Variants in CACNA1C observed in about 807,000 individuals in gnomAD.
CACNA1C encodes voltage-dependent L-type calcium channel subunit alpha-1C.
CACNA1C carries 30 observed loss-of-function variants against 229.0 expected under a neutral mutation model. The observed-to-expected ratio is 0.13, with a 90% CI of 0.10 to 0.18. CACNA1C has a LOEUF of 0.18. Ranked by LOEUF, CACNA1C falls within the 10% of genes least tolerant of loss-of-function variation. The probability of loss-of-function intolerance (pLI) is 1.00; values close to 1 mark genes in which losing one functional copy is unlikely to be tolerated. For synonymous variants in CACNA1C, 1,114 were observed against 1,132.5 expected (o/e 0.98, Z 0.33); for missense variants, 1,658 against 2,845.0 (o/e 0.58, Z 9.49).
chr12:2,628,108 G>C (rs556131951), intron 29 of CACNA1C, among the ~76,000 whole-genome samples: 18 of 152,322 alleles, frequency 1.2e-4, no homozygotes, highest in Admixed American at 7.8e-4. Context: ...CGTCGTGGAC[G>C]CCTTCTTGCC....
intron 3 of CACNA1C, among the ~76,000 whole-genome samples, chr12:2,384,450 G>A (rs529908727): frequency 5.9e-5 from 9 of 152,294 alleles, no homozygotes; most frequent in African/African-American, 1.9e-4. Context: ...TAGCAAGAAT[G>A]AGCACAATTA....
At position 2,107,527 on chromosome 12, in the gene CACNA1C, A is replaced by AG. The variant is rs1406244863; in HGVS notation, c.50-7694dup. ...AAGCCACTGGGTGCTCACCCTGGAG[A>AG]GGGTTTCCACCTCAGCTGGGGTGTC... On this transcript the variant is annotated intron_variant, in intron 1 of 46. Transcript: ENST00000399655. Among the ~76,000 whole-genome samples, 21 of 152,030 alleles carry AG rather than the reference A, an allele frequency of 1.4e-4. No individual in the cohort carries two copies. The South Asian group carries it at 3.5e-3, about 26-fold the overall frequency.
intron 3 of CACNA1C, among the ~76,000 whole-genome samples, chr12:2,249,678 C>T (rs7975229): frequency 0.031 from 4,786 of 152,224 alleles, 108 homozygotes; most frequent in South Asian, 0.058. Context: ...AGGGGACTCA[C>T]GTGACCTGTC....
Position 2,632,323 on chromosome 12 carries a change from G to T in CACNA1C, c.3829-1974G>T, listed in dbSNP as rs2090835854. ...GGGGACTATGACCGCCTGTAGCTGGGGGTGTATGGGGAATATGATCGCCTG... is the reference window on the plus strand; with the variant it reads ...GGGGACTATGACCGCCTGTAGCTGGTGGTGTATGGGGAATATGATCGCCTG... On this transcript the variant is annotated intron_variant, in intron 29 of 46. Transcript: ENST00000399655. This position sits in a 1 kb window ranked among gnomAD's most constrained non-coding sequence, Gnocchi z 4.1. Among the ~76,000 whole-genome samples, 2 of 151,774 alleles carry T rather than the reference G, an allele frequency of 1.3e-5. No homozygotes were observed. The highest frequency in any genetic ancestry group is 2.1e-4 in the South Asian group (1 of 4,792).
intron 3 of CACNA1C, among the ~76,000 whole-genome samples, chr12:2,325,118 A>G (rs1417663004): frequency 6.6e-6 from 1 of 152,126 alleles, no homozygotes; most frequent in African/African-American, 2.4e-5. Context: ...GCAGTCCTGT[A>G]AAGCGGATGA....
At chr12:2,365,539 G>T (rs532122125) in intron 3 of CACNA1C, among the ~76,000 whole-genome samples, 4 of 152,326 alleles carry the variant, frequency 2.6e-5, no homozygotes, top group African/African-American at 9.6e-5. Context: ...TCATTGTCAT[G>T]GGGCTCAGGC....
At chr12:2,421,106 G>T (rs1320397381) in intron 3 of CACNA1C, among the ~76,000 whole-genome samples, 1 of 152,168 alleles carries the variant, frequency 6.6e-6, no homozygotes, top group East Asian at 1.9e-4. Context: ...TTTTCAGATT[G>T]TTTTTCTCAT....
At chr12:2,238,116 G>C (rs2068212134) in intron 3 of CACNA1C, among the ~76,000 whole-genome samples, 1 of 152,170 alleles carries the variant, frequency 6.6e-6, no homozygotes, top group African/African-American at 2.4e-5. Context: ...GACAGAATCA[G>C]GTTTGGGAGC....
Position 2,633,854 on chromosome 12 carries a change from T to C in CACNA1C, c.3829-443T>C. On this transcript the variant is annotated intron_variant, in intron 29 of 46. Transcript: ENST00000399655. The surrounding 1 kb of genome is among the most constrained non-coding windows in gnomAD (Gnocchi z 5.8). Reference sequence around the variant, plus strand: ...GTTTTTACCCGCCTCCAGTCATGCCTTTTATTGAACCTGCCGTCGTCCTGT... The same window carrying C: ...GTTTTTACCCGCCTCCAGTCATGCCCTTTATTGAACCTGCCGTCGTCCTGT... 1 of 619,576 alleles carries C rather than the reference T, an allele frequency of 1.6e-6. No individual in the cohort carries two copies. 38.4% of individuals were successfully genotyped at this position (619,576 alleles called of 1,614,324 possible).
intron 1 of CACNA1C, among the ~76,000 whole-genome samples, chr12:2,081,641 G>A (rs576278181): frequency 6.6e-6 from 1 of 152,142 alleles, no homozygotes; most frequent in South Asian, 2.1e-4. Flanking sequence ...GATCTGTGCT[G>A]AGAGAACTAC....
chr12:2,320,611 A>T (rs944388112), intron 3 of CACNA1C, among the ~76,000 whole-genome samples: 1 of 152,088 alleles, frequency 6.6e-6, no homozygotes, highest in African/African-American at 2.4e-5. Context: ...GGAGAAGGGG[A>T]GGGCTGGTTT....
intron 3 of CACNA1C, among the ~76,000 whole-genome samples, chr12:2,121,100 T>C (rs1460729793): frequency 6.6e-6 from 1 of 152,204 alleles, no homozygotes; most frequent in Non-Finnish European, 1.5e-5. Flanking sequence ...GGAAAAGAGC[T>C]CTGGAATGCA....
At chr12:2,261,101 A>G (rs1240496353) in intron 3 of CACNA1C, among the ~76,000 whole-genome samples, 1 of 152,032 alleles carries the variant, frequency 6.6e-6, no homozygotes, top group African/African-American at 2.4e-5. Flanking sequence ...GTGTGGTGGC[A>G]AGCACCTGTA....
chr12:2,667,230 C>T (rs1056191738), intron 37 of CACNA1C, among the ~76,000 whole-genome samples: 2 of 152,094 alleles, frequency 1.3e-5, no homozygotes, highest in African/African-American at 4.8e-5. Context: ...GAGACCATGA[C>T]CCAAAAAAAA....
At chr12:2,428,642 T>C (rs1344091122) in intron 3 of CACNA1C, among the ~76,000 whole-genome samples, 2 of 152,206 alleles carry the variant, frequency 1.3e-5, no homozygotes, top group Admixed American at 6.5e-5. Flanking sequence ...CCCTGCTACC[T>C]ACTTATCTGT....
intron 3 of CACNA1C, among the ~76,000 whole-genome samples, chr12:2,312,785 A>G (rs1031171051): frequency 3.9e-5 from 6 of 152,266 alleles, no homozygotes; most frequent in African/African-American, 1.4e-4. Context: ...TTTCCTTAAA[A>G]AAGCTTGTGA....
In CACNA1C at chr12:2,166,592, C is replaced by T. The variant is rs530623946; in HGVS notation, c.477+46162C>T. On this transcript the variant is annotated intron_variant, in intron 3 of 46. Coordinates refer to ENST00000399655, the MANE Select transcript of CACNA1C (RefSeq NM_000719.7). ...GGTTACTAATTTTATAAATAACCTT[C>T]TCACAGTCTCTGTTTTGTCATATGT... Among the ~76,000 whole-genome samples, 32 of 152,306 alleles carry T rather than the reference C, an allele frequency of 2.1e-4. No homozygotes were observed. The East Asian group carries it at 6.2e-3, about 29-fold the overall frequency.
chr12:2,200,203 T>TG (rs2097542632), intron 3 of CACNA1C, among the ~76,000 whole-genome samples: 1 of 152,232 alleles, frequency 6.6e-6, no homozygotes, highest in Non-Finnish European at 1.5e-5. Context: ...ACTGTATCAG[T>TG]ATATCCATTA....
intron 1 of CACNA1C, among the ~76,000 whole-genome samples, chr12:1,994,668 T>C (rs949575436): frequency 7.2e-5 from 11 of 152,158 alleles, no homozygotes; most frequent in African/African-American, 2.7e-4. Context: ...AAGGAAGGCA[T>C]GGGAGGAAAT....
Sources: allele counts gnomAD v4.1 joint callset (sites outside exome capture counted in the v4.1 genomes callset), GRCh38; gene constraint gnomAD v4.1.1; non-coding constraint Gnocchi (gnomAD v3.1); transcripts MANE v1.5; gene names NCBI Gene and HGNC (gene_info 2026-07-23, HGNC 2026-07-21).